NEMP2: variants seen among roughly 807,000 people sequenced by gnomAD.
NEMP2 encodes the protein UPF0571 transmembrane protein.
A neutral mutation model predicts 54.2 loss-of-function variants in NEMP2; 53 were observed. The ratio of observed to expected loss-of-function variants is 0.98; its 90% CI spans 0.78 to 1.23. The LOEUF is 1.23. Ranked by LOEUF, NEMP2 falls within the 50% of genes most tolerant of loss-of-function variation. NEMP2 has a pLI of 0.00. For missense variants in NEMP2, 455 were observed against 511.3 expected (o/e 0.89, Z 1.06); for synonymous variants, 197 against 190.3 (o/e 1.04, Z -0.29).
chr2:190,444,547 T>A, the NEMP2 span, among the ~76,000 whole-genome samples: 12 of 152,248 alleles, frequency 7.9e-5, no homozygotes, highest in Non-Finnish European at 8.8e-5. Context: ...TTCTTTTTAG[T>A]GTAGGGGAGA....
the NEMP2 span, among the ~76,000 whole-genome samples, chr2:190,554,486 T>C: frequency 6.6e-6 from 1 of 152,302 alleles, no homozygotes; most frequent in East Asian, 1.9e-4. This position sits in a 1 kb window ranked among gnomAD's most constrained non-coding sequence, Gnocchi z 5.7. Flanking sequence ...GTGTCCACCA[T>C]TGCTGAGGCT....
chr2:190,500,390 T>G (rs879871382), downstream of NEMP2: 6 of 700,588 alleles, frequency 8.6e-6, no homozygotes, highest in African/African-American at 5.4e-5. The surrounding 1 kb of genome is among the most constrained non-coding windows in gnomAD (Gnocchi z 5.3). Flanking sequence ...ACAGTACATA[T>G]TGGCAGGAAA....
chr2:190,525,506 T>C lies in NEMP2; in HGVS notation c.98-128A>G, dbSNP rs746651321. On this transcript the variant is annotated intron_variant, in intron 1 of 8. Transcript: ENST00000409150. This position sits in a 1 kb window ranked among gnomAD's most constrained non-coding sequence, Gnocchi z 5.0. ...ATGGCCAATAAATTCTCCTATATGA[T>C]AATTATAGTCCTTCAGTGTTTCCAA... is the stretch of plus-strand genomic sequence containing the variant. The C allele has an allele frequency of 3.5e-6, 2 of 566,512 alleles. No individual in the cohort carries two copies. Among genetic ancestry groups the C allele is most frequent in the South Asian group, 2.4e-5 (1 of 42,364 alleles). The allele number at this position is 566,512 out of a possible 1,614,324, so 35.1% of individuals were successfully genotyped here. A position where few individuals can be genotyped will look rare whatever the true frequency, so the allele number is the denominator to read the frequency against.
chr2:190,554,233 T>C, the NEMP2 span, among the ~76,000 whole-genome samples: 3 of 152,136 alleles, frequency 2.0e-5, no homozygotes, highest in East Asian at 3.9e-4. This position sits in a 1 kb window ranked among gnomAD's most constrained non-coding sequence, Gnocchi z 5.7. Flanking sequence ...GGCAGCTGTT[T>C]GGGCAGATAC....
the NEMP2 span, among the ~76,000 whole-genome samples, chr2:190,632,355 T>G: frequency 2.0e-5 from 3 of 152,256 alleles, no homozygotes; most frequent in African/African-American, 7.2e-5. This position sits in a 1 kb window ranked among gnomAD's most constrained non-coding sequence, Gnocchi z 4.8. Context: ...TCAATGATAG[T>G]CACCATTTCC....
the NEMP2 span, among the ~76,000 whole-genome samples, chr2:190,563,913 G>A: frequency 3.4e-4 from 52 of 152,210 alleles, 1 homozygote; most frequent in Non-Finnish European, 7.3e-4. The surrounding 1 kb of genome is among the most constrained non-coding windows in gnomAD (Gnocchi z 4.3). Flanking sequence ...GGGGAGGCGG[G>A]GAGGCCAACC....
the NEMP2 span, among the ~76,000 whole-genome samples, chr2:190,572,833 G>GTT: frequency 0.13 from 6,134 of 46,674 alleles, 865 homozygotes; most frequent in East Asian, 0.19. Context: ...CTTTTCATGA[G>GTT]TATATATATA....
At chr2:190,611,466 A>G in the NEMP2 span, among the ~76,000 whole-genome samples, 3 of 152,216 alleles carry the variant, frequency 2.0e-5, no homozygotes, top group Non-Finnish European at 4.4e-5. This position sits in a 1 kb window ranked among gnomAD's most constrained non-coding sequence, Gnocchi z 5.4. Context: ...TAGACCTTTT[A>G]TAACCCTTTA....
At chr2:190,571,549 T>TATA in the NEMP2 span, among the ~76,000 whole-genome samples, 2,457 of 149,910 alleles carry the variant, frequency 0.016, 31 homozygotes, top group African/African-American at 0.032. Flanking sequence ...TCTCAAAAAA[T>TATA]ATAATAATAA....
the NEMP2 span, among the ~76,000 whole-genome samples, chr2:190,487,751 G>A: frequency 6.6e-6 from 1 of 152,190 alleles, no homozygotes; most frequent in South Asian, 2.1e-4. The surrounding 1 kb of genome is among the most constrained non-coding windows in gnomAD (Gnocchi z 5.5). Context: ...ATAAGTTCTG[G>A]CAAGGAGGTG....
At chr2:190,586,497 G>C in the NEMP2 span, among the ~76,000 whole-genome samples, 1 of 152,074 alleles carries the variant, frequency 6.6e-6, no homozygotes, top group East Asian at 1.9e-4. This position sits in a 1 kb window ranked among gnomAD's most constrained non-coding sequence, Gnocchi z 4.5. Context: ...GAAATTTAAT[G>C]TGATTGTCTA....
chr2:190,516,982 TG>T (rs1485743533), intron 5 of NEMP2, among the ~76,000 whole-genome samples: 2 of 149,630 alleles, frequency 1.3e-5, no homozygotes, highest in Non-Finnish European at 3.0e-5. Flanking sequence ...TCCCAGCTAC[TG>T]GGCAGGCTGA....
At chr2:190,500,528 G>T, downstream of NEMP2, 1 of 310,352 alleles carries the variant, frequency 3.2e-6, no homozygotes, top group Non-Finnish European at 6.0e-6. This position sits in a 1 kb window ranked among gnomAD's most constrained non-coding sequence, Gnocchi z 5.3. Flanking sequence ...AGTTGAAACC[G>T]GCAGTTACAC....
At chr2:190,615,523 G>A in the NEMP2 span, among the ~76,000 whole-genome samples, 4 of 152,164 alleles carry the variant, frequency 2.6e-5, no homozygotes, top group African/African-American at 9.7e-5. This position sits in a 1 kb window ranked among gnomAD's most constrained non-coding sequence, Gnocchi z 4.7. Context: ...TCAGCAACCT[G>A]GAAATCTTCC....
In NEMP2 at chr2:190,519,597, C is replaced by T. The variant is rs1171469952; in HGVS notation, c.214-414G>A. ...CAAAGTCAGCTGAAAAAAGAATACT[C>T]AAATGCGCAGGGTAGAGTTCTATGT... On this transcript the variant is annotated intron_variant, in intron 2 of 8. Transcript: ENST00000409150. This position sits in a 1 kb window ranked among gnomAD's most constrained non-coding sequence, Gnocchi z 5.4. Among the ~76,000 whole-genome samples, 1 of 152,150 alleles carries T rather than the reference C, an allele frequency of 6.6e-6. No homozygotes were observed. The highest frequency in any genetic ancestry group is 1.5e-5 in the Non-Finnish European group (1 of 68,030).
the NEMP2 span, among the ~76,000 whole-genome samples, chr2:190,476,191 C>G: frequency 6.6e-6 from 1 of 151,916 alleles, no homozygotes; most frequent in Non-Finnish European, 1.5e-5. Context: ...GCAATGGCAA[C>G]AAAAGCCAAA....
the NEMP2 span, among the ~76,000 whole-genome samples, chr2:190,573,401 A>C: frequency 6.6e-5 from 10 of 152,338 alleles, no homozygotes; most frequent in Middle Eastern, 3.4e-3. Context: ...TGGAAGCAGA[A>C]GTAACCTGTA....
At chr2:190,460,229 T>C in the NEMP2 span, among the ~76,000 whole-genome samples, 2 of 152,236 alleles carry the variant, frequency 1.3e-5, no homozygotes, top group Non-Finnish European at 2.9e-5. Flanking sequence ...TTTGTCCACA[T>C]AAATAAAAAT....
chr2:190,566,040 G>A, the NEMP2 span, among the ~76,000 whole-genome samples: 5 of 150,280 alleles, frequency 3.3e-5, no homozygotes, highest in Non-Finnish European at 7.4e-5. Flanking sequence ...ATGACCCTGG[G>A]CAAGGCAGCT....
Sources: allele counts gnomAD v4.1 joint callset (sites outside exome capture counted in the v4.1 genomes callset), GRCh38; gene constraint gnomAD v4.1.1; non-coding constraint Gnocchi (gnomAD v3.1); transcripts MANE v1.5; gene names NCBI Gene and HGNC (gene_info 2026-07-23, HGNC 2026-07-21).